TP73: variants seen among roughly 807,000 people sequenced by gnomAD.
The protein encoded by TP73 is p53-like transcription factor.
TP73 carries 25 observed loss-of-function variants against 62.5 expected under a neutral mutation model. The observed-to-expected ratio is 0.40, with a 90% CI of 0.29 to 0.56. TP73 has a LOEUF of 0.56. Ranked by LOEUF, TP73 falls within the 20% of genes least tolerant of loss-of-function variation. The pLI is 0.46. For missense variants in TP73, 754 were observed against 913.3 expected (o/e 0.83, Z 2.25); for synonymous variants, 423 against 377.5 (o/e 1.12, Z -1.40).
At chr1:3,727,370 C>T in intron 7 of TP73, 146 bp downstream of exon 7, 1 of 983,422 alleles carries the variant, frequency 1.0e-6, no homozygotes, top group Non-Finnish European at 1.5e-6. Flanking sequence ...GGAACCGCCC[C>T]CTGGCCTGCA....
chr1:3,677,785 CT>C (rs1176000588), intron 1 of TP73, among the ~76,000 whole-genome samples: 1 of 151,392 alleles, frequency 6.6e-6, no homozygotes, highest in African/African-American at 2.4e-5. Context: ...CCTCGAGCCC[CT>C]GGGCTCAAGT....
intron 3 of TP73, 57 bp from the exon 4 acceptor site, chr1:3,707,492 G>GGACAGGAC: frequency 6.4e-7 from 1 of 1,571,412 alleles, no homozygotes; most frequent in Non-Finnish European, 8.7e-7. Context: ...CTCCTAGACG[G>GGACAGGAC]GACAGGACGA....
chr1:3,675,606 C>T (rs1044058729), intron 1 of TP73, among the ~76,000 whole-genome samples: 1 of 152,036 alleles, frequency 6.6e-6, no homozygotes, highest in Non-Finnish European at 1.5e-5. Context: ...GTGTCTCCTG[C>T]CCAGGCTGAG....
chr1:3,715,783 A>G (rs1477837396), intron 4 of TP73, among the ~76,000 whole-genome samples: 1 of 151,826 alleles, frequency 6.6e-6, no homozygotes, highest in African/African-American at 2.4e-5. Context: ...CTCCTACTGG[A>G]CCCCTGGGCC....
chr1:3,678,576 C>T (rs1645429440), intron 1 of TP73, among the ~76,000 whole-genome samples: 1 of 152,262 alleles, frequency 6.6e-6, no homozygotes, highest in Admixed American at 6.5e-5. Flanking sequence ...GCTTCCGGTT[C>T]AAGTTCCTCC....
At chr1:3,654,205 T>C (rs2101988284) in intron 1 of TP73, among the ~76,000 whole-genome samples, 1 of 152,234 alleles carries the variant, frequency 6.6e-6, no homozygotes, top group Non-Finnish European at 1.5e-5. Context: ...TAAAAGTTGG[T>C]GTCAGAGGCT....
At position 3,732,892 on chromosome 1, in the gene TP73, G is replaced by T. The variant is rs1308590118; in HGVS notation, c.1724G>T (p.Gly575Val). ...GCCACCATCTCCATCGGCGGCTCAG[G>T]GGAACTGCAGCGCCAGCGGGTCATG... is the stretch of plus-strand genomic sequence containing the variant. ...NAATISIGGS[G>V]ELQRQRVMEA... The change falls in exon 14 of 14, where the codon GGG (glycine) becomes GTG (valine). Residue 575 changes from glycine (G) to valine (V), a missense_variant. Around this residue, in one of 3 missense-constraint regions of TP73, gnomAD observed 458 missense variants for 528.7 expected, o/e 0.87. Coordinates refer to ENST00000378295, the MANE Select transcript of TP73 (RefSeq NM_005427.4). The T allele has an allele frequency of 6.2e-7, 1 of 1,611,468 alleles. No homozygotes were observed. Among genetic ancestry groups the T allele is most frequent in the South Asian group, 1.1e-5 (1 of 90,998 alleles).
chr1:3,655,760 T>C (rs1644851490), intron 1 of TP73, among the ~76,000 whole-genome samples: 1 of 152,208 alleles, frequency 6.6e-6, no homozygotes, highest in Non-Finnish European at 1.5e-5. Context: ...GCTGGCAACA[T>C]CCACTCGTGT....
chr1:3,725,772 G>GTGGA (rs1175648437), intron 6 of TP73, among the ~76,000 whole-genome samples: 2 of 100,954 alleles, frequency 2.0e-5, no homozygotes, highest in Non-Finnish European at 4.0e-5. Context: ...GGGTGGGGGG[G>GTGGA]TGGATGGATG....
At position 3,653,729 on chromosome 1, in the gene TP73, G is replaced by A. The variant is rs528069430; in HGVS notation, c.-34+1088G>A. On this transcript the variant is annotated intron_variant, in intron 1 of 13. Coordinates refer to ENST00000378295, the MANE Select transcript of TP73 (RefSeq NM_005427.4). ...TCTGGGGGAGGAGTAAACAAAGCGC[G>A]TGGCCTCTGGCACTTACTGAGCGCT... Among the ~76,000 whole-genome samples, 18 of 152,316 alleles carry A rather than the reference G, an allele frequency of 1.2e-4. No homozygotes were observed. In the East Asian group the frequency reaches 1.7e-3, roughly 15 times the overall value.
chr1:3,730,712 C>T (rs756001669), intron 11 of TP73, among the ~76,000 whole-genome samples: 3 of 152,162 alleles, frequency 2.0e-5, no homozygotes, highest in African/African-American at 4.8e-5. Flanking sequence ...CCCGTACGCA[C>T]GGTCACCCCC....
At chr1:3,692,436 A>G (rs773828360) in intron 3 of TP73, among the ~76,000 whole-genome samples, 2 of 152,212 alleles carry the variant, frequency 1.3e-5, no homozygotes, top group Non-Finnish European at 2.9e-5. Flanking sequence ...TGTAGCCCAG[A>G]GCGTGGAACG....
At chr1:3,704,114 C>G (rs1639434224) in intron 3 of TP73, among the ~76,000 whole-genome samples, 1 of 152,204 alleles carries the variant, frequency 6.6e-6, no homozygotes, top group Admixed American at 6.5e-5. Context: ...GTTCAGCGAG[C>G]CTTTCAAGCA....
chr1:3,731,791 C>T (rs1371259871), intron 13 of TP73, among the ~76,000 whole-genome samples: 1 of 152,216 alleles, frequency 6.6e-6, no homozygotes, highest in Non-Finnish European at 1.5e-5. Context: ...GTCATTTGAG[C>T]CTTTTTGGAC....
intron 3 of TP73, among the ~76,000 whole-genome samples, chr1:3,684,577 G>A (rs1397207360): frequency 6.6e-6 from 1 of 152,202 alleles, no homozygotes; most frequent in African/African-American, 2.4e-5. Flanking sequence ...AAGCGGGGTG[G>A]GGGAGTGTAG....
intron 4 of TP73, among the ~76,000 whole-genome samples, chr1:3,721,638 A>T (rs565924904): frequency 6.6e-6 from 1 of 152,344 alleles, no homozygotes; most frequent in East Asian, 1.9e-4. Flanking sequence ...AGTCAGGGAC[A>T]TGGCTTCCAC....
intron 1 of TP73, among the ~76,000 whole-genome samples, chr1:3,664,363 C>A (rs909423571): frequency 6.6e-6 from 1 of 152,186 alleles, no homozygotes; most frequent in Admixed American, 6.5e-5. Flanking sequence ...TAATTGCTCA[C>A]CTGCTGCTCT....
rs536206231 is a variant in TP73, at chr1:3,686,459, G to A, written c.186+3279G>A. 3.9e-5 allele frequency among the ~76,000 whole-genome samples: 6 copies of A among 152,320 alleles called. No individual in the cohort carries two copies. In the South Asian group the frequency reaches 8.3e-4, roughly 21 times the overall value. On this transcript the variant is annotated intron_variant, in intron 3 of 13. Coordinates refer to ENST00000378295, the MANE Select transcript of TP73 (RefSeq NM_005427.4). ...CCCAGAGCAGAGAGCCCTTTGGGAGGTGGCATAGACTCTGGGATGCCAGGT... is the reference window on the plus strand; with the variant it reads ...CCCAGAGCAGAGAGCCCTTTGGGAGATGGCATAGACTCTGGGATGCCAGGT...
intron 12 of TP73, 127 bp downstream of exon 12, chr1:3,731,192 C>A (rs546895374): frequency 3.3e-4 from 441 of 1,342,380 alleles, no homozygotes; most frequent in Non-Finnish European, 3.9e-4. Flanking sequence ...ATCAGACAGG[C>A]GGGCGGGGGC....
Sources: allele counts gnomAD v4.1 joint callset (sites outside exome capture counted in the v4.1 genomes callset), GRCh38; gene constraint gnomAD v4.1.1; regional missense constraint gnomAD v4.1.1; transcripts MANE v1.5; gene names NCBI Gene and HGNC (gene_info 2026-07-23, HGNC 2026-07-21).